TEAD4: variants seen among roughly 807,000 people sequenced by gnomAD.
TEAD4 encodes the protein TEA domain transcription factor 4.
Under a neutral mutation model 52.4 loss-of-function variants are expected in TEAD4, and 36 were observed. The observed-to-expected ratio is 0.69, with a 90% confidence interval of 0.53 to 0.91. The LOEUF is 0.91. Ranked by LOEUF, TEAD4 falls within the 40% of genes least tolerant of loss-of-function variation. The pLI, the probability that TEAD4 is intolerant of heterozygous loss-of-function variation, is 0.00. For missense variants in TEAD4, 508 were observed against 583.9 expected (o/e 0.87, Z 1.34); for synonymous variants, 220 against 231.0 (o/e 0.95, Z 0.43).
chr12:3,030,728 A>G (rs1424801651), intron 10 of TEAD4, among the ~76,000 whole-genome samples: 4 of 152,132 alleles, frequency 2.6e-5, no homozygotes, highest in South Asian at 2.1e-4. Context: ...GGTGTCCAGG[A>G]TGATGGGGTG....
intron 2 of TEAD4, among the ~76,000 whole-genome samples, chr12:2,979,946 T>A (rs181696231): frequency 1.1e-3 from 164 of 152,240 alleles, no homozygotes; most frequent in Admixed American, 2.3e-3. Context: ...GGCATGAGAA[T>A]CAGCAGGGAG....
At chr12:3,032,700 C>G (rs1432363448) in intron 10 of TEAD4, among the ~76,000 whole-genome samples, 1 of 152,220 alleles carries the variant, frequency 6.6e-6, no homozygotes, top group Non-Finnish European at 1.5e-5. Flanking sequence ...CCACCCCTTG[C>G]CTGAGCCCTC....
rs2098280073 is a variant in TEAD4 at position 3,037,410 on chromosome 12, C to T, written c.898-558C>T. On this transcript the variant is annotated intron_variant, in intron 10 of 12. Coordinates refer to ENST00000359864, the MANE Select transcript of TEAD4 (RefSeq NM_003213.4). The stretch of plus-strand genomic sequence containing the variant: ...TGCCTAGAGGGGGAAGAGGCCAGCC[C>T]CAGAGCCGTTTCTGAGGGAGCATCG... 3.3e-5 allele frequency among the ~76,000 whole-genome samples: 5 copies of T among 152,108 alleles called. No homozygotes were observed. In the South Asian group the frequency reaches 1.0e-3, roughly 31 times the overall value.
At chr12:2,977,571 C>T (rs941792270) in intron 2 of TEAD4, among the ~76,000 whole-genome samples, 6 of 152,188 alleles carry the variant, frequency 3.9e-5, no homozygotes, top group African/African-American at 1.4e-4. Flanking sequence ...TTGCTTTTCT[C>T]AATCCTCAGT....
At chr12:3,031,753 G>C (rs1197269687) in intron 10 of TEAD4, among the ~76,000 whole-genome samples, 1 of 152,244 alleles carries the variant, frequency 6.6e-6, no homozygotes, top group African/African-American at 2.4e-5. Flanking sequence ...GGGAAACTGA[G>C]GTACAGACAG....
intron 10 of TEAD4, among the ~76,000 whole-genome samples, chr12:3,032,694 C>A (rs1396466996): frequency 6.6e-6 from 1 of 152,160 alleles, no homozygotes; most frequent in Admixed American, 6.5e-5. Flanking sequence ...CTTGCCCCAC[C>A]CCTTGCCTGA....
chr12:3,024,339 G>A (rs565785549), intron 10 of TEAD4, among the ~76,000 whole-genome samples: 1 of 152,282 alleles, frequency 6.6e-6, no homozygotes, highest in East Asian at 1.9e-4. Context: ...GCCTCCCAAA[G>A]TAATGTTCAC....
rs373233416 is a variant in TEAD4, at chr12:2,999,809, C to T, written c.226+4817C>T. On this transcript the variant is annotated intron_variant, in intron 3 of 12. Transcript: ENST00000359864. ...CCTTCTGCCTGCTCCCCGCCTTCCC[C>T]GCTCCTCACACTCAGTGCTGGCCGG... 2.0e-3 allele frequency among the ~76,000 whole-genome samples: 298 copies of T among 152,326 alleles called. 1 individual carries two copies. The highest frequency in any genetic ancestry group is 2.9e-3 in the Non-Finnish European group (195 of 68,034).
chr12:3,020,219 TC>T (rs906312293), intron 8 of TEAD4, among the ~76,000 whole-genome samples: 2 of 152,290 alleles, frequency 1.3e-5, no homozygotes, highest in African/African-American at 4.8e-5. Context: ...ACAGGAAACG[TC>T]CCCGTCTCTC....
At chr12:3,008,826 G>A (rs1018970968) in intron 3 of TEAD4, among the ~76,000 whole-genome samples, 4 of 152,170 alleles carry the variant, frequency 2.6e-5, no homozygotes, top group African/African-American at 9.7e-5. Flanking sequence ...GATATCCTGT[G>A]TGCAAGGGAC....
At chr12:2,967,963 A>G (rs944060343) in intron 2 of TEAD4, among the ~76,000 whole-genome samples, 5 of 152,052 alleles carry the variant, frequency 3.3e-5, no homozygotes, top group African/African-American at 1.2e-4. Flanking sequence ...CTCTGGCCAC[A>G]TTGGAAGCCA....
chr12:2,977,697 A>C (rs1329353219), intron 2 of TEAD4, among the ~76,000 whole-genome samples: 2 of 152,060 alleles, frequency 1.3e-5, no homozygotes. Flanking sequence ...GGCAGGTTTC[A>C]CTCAGGTCAT....
chr12:3,030,865 C>A (rs964803350), intron 10 of TEAD4, among the ~76,000 whole-genome samples: 1 of 152,124 alleles, frequency 6.6e-6, no homozygotes, highest in Non-Finnish European at 1.5e-5. Context: ...TATTTGTTAG[C>A]CCTTCTCCTT....
chr12:2,983,294 C>T (rs527798143), intron 2 of TEAD4, among the ~76,000 whole-genome samples: 4 of 152,168 alleles, frequency 2.6e-5, no homozygotes, highest in South Asian at 2.1e-4. Context: ...TCAGGCCCTA[C>T]GCTAGATGAC....
intron 9 of TEAD4, 56 bp from the exon 10 acceptor site, chr12:3,021,788 G>A (rs896124022): frequency 5.1e-6 from 8 of 1,579,110 alleles, no homozygotes; most frequent in South Asian, 1.2e-5. Flanking sequence ...AGCCAGGGTT[G>A]TCTGTCTGAC....
chr12:2,992,112 G>A (rs1376247904), intron 2 of TEAD4, among the ~76,000 whole-genome samples: 6 of 143,874 alleles, frequency 4.2e-5, no homozygotes, highest in South Asian at 2.3e-4. Flanking sequence ...TCTGCCTCCC[G>A]GGTTCAAGTG....
intron 2 of TEAD4, among the ~76,000 whole-genome samples, chr12:2,985,555 G>T (rs2153954334): frequency 7.3e-6 from 1 of 136,250 alleles, no homozygotes; most frequent in South Asian, 2.5e-4. Context: ...CCCCAGGCTG[G>T]AGTGTAGTGG....
At chr12:2,962,809 G>A (rs1034175717) in intron 2 of TEAD4, among the ~76,000 whole-genome samples, 9 of 152,132 alleles carry the variant, frequency 5.9e-5, no homozygotes, top group Non-Finnish European at 1.2e-4. Context: ...GCTCCTAGAG[G>A]GACAGTAACT....
intron 2 of TEAD4, among the ~76,000 whole-genome samples, chr12:2,990,499 C>G (rs748378455): frequency 1.7e-4 from 16 of 93,710 alleles, no homozygotes; most frequent in Non-Finnish European, 2.5e-4. Flanking sequence ...GAGATGGAGT[C>G]TCTGTTGCCT....
Sources: allele counts gnomAD v4.1 joint callset (sites outside exome capture counted in the v4.1 genomes callset), GRCh38; gene constraint gnomAD v4.1.1; transcripts MANE v1.5; gene names NCBI Gene and HGNC (gene_info 2026-07-23, HGNC 2026-07-21).